CSMD3: variants seen among roughly 807,000 people sequenced by gnomAD.
CSMD3 encodes CUB and Sushi multiple domains 3.
A neutral mutation model predicts 435.2 loss-of-function variants in CSMD3; 177 were observed. The observed-to-expected ratio is 0.41, with a 90% CI of 0.36 to 0.46. The LOEUF (loss-of-function observed/expected upper bound fraction) is 0.46, where lower values mean the gene tolerates loss of function less well. Ranked by LOEUF, CSMD3 falls within the 20% of genes least tolerant of loss-of-function variation. The probability of loss-of-function intolerance (pLI) is 0.34; values close to 1 mark genes in which losing one functional copy is unlikely to be tolerated. For synonymous variants in CSMD3, 1,656 were observed against 1,520.5 expected (o/e 1.09, Z -2.07); for missense variants, 4,265 against 4,504.6 (o/e 0.95, Z 1.52).
chr8:113,185,970 G>A lies in CSMD3; in HGVS notation c.515-12054C>T, dbSNP rs139060200. ...TGCCCCGTATCTGTCAGCACCCTCT[G>A]TCTCTCCTGCTGGCACACAAAACCA... On this transcript the variant is annotated intron_variant, in intron 3 of 70. Transcript: ENST00000297405. Among the ~76,000 whole-genome samples the A allele has an allele frequency of 3.3e-5, 5 of 152,130 alleles. No individual in the cohort carries two copies. In the East Asian group the frequency reaches 9.8e-4, roughly 30 times the overall value.
intron 2 of CSMD3, among the ~76,000 whole-genome samples, chr8:113,301,528 GT>G (rs906025708): frequency 8.7e-5 from 13 of 150,110 alleles, no homozygotes; most frequent in African/African-American, 2.0e-4. Flanking sequence ...ATTAGTTTAT[GT>G]TTTTTTTTAA....
chr8:113,163,532 T>C (rs530106579), intron 4 of CSMD3, among the ~76,000 whole-genome samples: 117 of 152,052 alleles, frequency 7.7e-4, no homozygotes, highest in South Asian at 3.5e-3. Context: ...AATGTGAAAA[T>C]ATATAAAGAA....
intron 60 of CSMD3, 139 bp downstream of exon 60, chr8:112,265,272 C>A (rs2130405632): frequency 4.6e-6 from 2 of 430,328 alleles, no homozygotes; most frequent in Non-Finnish European, 8.0e-6. Context: ...TTTTAAGAAA[C>A]AGCCATTTTT....
rs2130028741 is a variant in CSMD3 at position 112,406,690 on chromosome 8, C to A, written c.5643G>T (p.Val1881=). ...TTCTTCTTCCGAATCTTGGTTCAGG[C>A]ACAGAACTGCATTGTGTAGAACTTG... ...PRTSSTQCSS[V]PEPRFGRRIG... is the part of the protein sequence containing the mutation. Residue 1881 remains valine (V), a synonymous_variant, in exon 35 of 71, where the codon GTG becomes GTT. Transcript: ENST00000297405. 8 of 1,611,266 alleles carry A rather than the reference C, an allele frequency of 5.0e-6. No individual in the cohort carries two copies. The highest frequency in any genetic ancestry group is 6.8e-6 in the Non-Finnish European group (8 of 1,177,940).
chr8:112,742,837 C>T (rs891739269), intron 13 of CSMD3, among the ~76,000 whole-genome samples: 1 of 151,944 alleles, frequency 6.6e-6, no homozygotes, highest in African/African-American at 2.4e-5. Context: ...GTATGATTGA[C>T]ACAATTTTCC....
intron 12 of CSMD3, among the ~76,000 whole-genome samples, chr8:112,810,063 A>G (rs1471312341): frequency 2.0e-5 from 3 of 151,892 alleles, no homozygotes; most frequent in Non-Finnish European, 4.4e-5. Flanking sequence ...AAACCCTCCC[A>G]CTTTTTGTTT....
At chr8:112,969,660 A>G (rs2084569300) in intron 7 of CSMD3, among the ~76,000 whole-genome samples, 1 of 152,032 alleles carries the variant, frequency 6.6e-6, no homozygotes, top group Non-Finnish European at 1.5e-5. Context: ...GGGAAGTCCA[A>G]TAAAAAATAA....
At chr8:112,321,832 T>C (rs1170028525) in intron 45 of CSMD3, among the ~76,000 whole-genome samples, 2 of 152,166 alleles carry the variant, frequency 1.3e-5, no homozygotes, top group Admixed American at 1.3e-4. Context: ...AAGAAAGACT[T>C]GCTGGGAAAG....
chr8:112,228,691 G>A (rs1812798947), intron 70 of CSMD3, 65 bp downstream of exon 70: 4 of 1,496,040 alleles, frequency 2.7e-6, no homozygotes, highest in Non-Finnish European at 3.7e-6. Context: ...TTGAGCTAGA[G>A]CAGTAGAAAT....
chr8:112,492,225 T>C (rs184431613), intron 31 of CSMD3, among the ~76,000 whole-genome samples: 8 of 152,290 alleles, frequency 5.3e-5, no homozygotes, highest in Admixed American at 2.0e-4. Flanking sequence ...CAAATTAGCA[T>C]AACAGGCAGT....
intron 27 of CSMD3, among the ~76,000 whole-genome samples, chr8:112,518,034 A>G (rs753591685): frequency 1.3e-5 from 2 of 152,208 alleles, no homozygotes; most frequent in Non-Finnish European, 2.9e-5. Flanking sequence ...CAACAGGTAA[A>G]TGTTTAAACG....
At position 112,304,921 on chromosome 8, in the gene CSMD3, C is replaced by T; in HGVS notation, c.8072-6G>A. On this transcript the variant is annotated splice_region_variant and splice_polypyrimidine_tract_variant and intron_variant, in intron 51 of 70. Coordinates refer to ENST00000297405, the MANE Select transcript of CSMD3 (RefSeq NM_198123.2). The stretch of plus-strand genomic sequence containing the variant: ...GATGCTTGGACATGTAACAACTATA[C>T]AAAAACCAAAGGGTGTAATTGCTAA... 6.2e-7 allele frequency: 1 copy of T among 1,610,310 alleles called. No homozygotes were observed. Among genetic ancestry groups the T allele is most frequent in the Non-Finnish European group, 8.5e-7 (1 of 1,177,616 alleles).
chr8:112,400,830 T>C (rs1831268567), intron 35 of CSMD3, among the ~76,000 whole-genome samples: 1 of 152,184 alleles, frequency 6.6e-6, no homozygotes, highest in African/African-American at 2.4e-5. Context: ...ATTGATACAT[T>C]TGAAATACAA....
At chr8:113,342,852 A>G (rs903381461) in intron 1 of CSMD3, among the ~76,000 whole-genome samples, 4 of 151,636 alleles carry the variant, frequency 2.6e-5, no homozygotes, top group Admixed American at 2.6e-4. Context: ...AAGTCTGTAC[A>G]TACTGTTATT....
At position 113,111,927 on chromosome 8, in the gene CSMD3, C is replaced by T. The variant is rs1407120888; in HGVS notation, c.710-12964G>A. ...ACTCCTGACCTCTAAACGATCTGCC[C>T]GCCTCAGCCTCCCAAAGTGCTGGGA... is the stretch of plus-strand genomic sequence containing the variant. On this transcript the variant is annotated intron_variant, in intron 4 of 70. Coordinates refer to ENST00000297405, the MANE Select transcript of CSMD3 (RefSeq NM_198123.2). 2.6e-5 allele frequency among the ~76,000 whole-genome samples: 4 copies of T among 151,938 alleles called. No homozygotes were observed. In the East Asian group the frequency reaches 5.8e-4, roughly 22 times the overall value.
At chr8:112,400,910 A>C (rs1831277085) in intron 35 of CSMD3, among the ~76,000 whole-genome samples, 3 of 152,284 alleles carry the variant, frequency 2.0e-5, no homozygotes, top group African/African-American at 7.2e-5. Flanking sequence ...TAATGGTTTA[A>C]AATTTATAGT....
chr8:112,565,657 A>G lies in CSMD3; in HGVS notation c.4042+7844T>C, dbSNP rs76950070. Among the ~76,000 whole-genome samples the G allele has an allele frequency of 1.1e-3, 169 of 152,226 alleles. 5 individuals carry two copies. The East Asian group carries it at 0.031, about 28-fold the overall frequency. Reference sequence around the variant, plus strand: ...TGTAAATTAAATGTGCAGAGGAGATAATAAGAAAACATCTGAGCCCAGAGT... The same window carrying G: ...TGTAAATTAAATGTGCAGAGGAGATGATAAGAAAACATCTGAGCCCAGAGT... On this transcript the variant is annotated intron_variant, in intron 24 of 70. Coordinates refer to ENST00000297405, the MANE Select transcript of CSMD3 (RefSeq NM_198123.2).
At position 112,669,827 on chromosome 8, in the gene CSMD3, C is replaced by T. The variant is rs192990173; in HGVS notation, c.2678-3412G>A. ...CACCCTCAGATTATTTTATATAATG[C>T]TCAAAATAATCTAGCCAGATAAGTA... On this transcript the variant is annotated intron_variant, in intron 16 of 70. Transcript: ENST00000297405. 6.8e-4 allele frequency among the ~76,000 whole-genome samples: 103 copies of T among 152,158 alleles called. 1 individual carries two copies. Among genetic ancestry groups the T allele is most frequent in the Middle Eastern group, 6.8e-3 (2 of 294 alleles).
chr8:113,389,848 A>G (rs1427747226), intron 1 of CSMD3, among the ~76,000 whole-genome samples: 2 of 151,808 alleles, frequency 1.3e-5, no homozygotes, highest in East Asian at 3.9e-4. Context: ...CTCTTTGAAA[A>G]GTGAGCACAG....
Sources: gnomAD v4.1 joint callset for allele counts (sites outside exome capture counted in the v4.1 genomes callset) on GRCh38, gnomAD v4.1.1 for gene constraint, MANE v1.5 for transcripts, NCBI Gene and HGNC (gene_info 2026-07-23, HGNC 2026-07-21) for gene names.